The following CFAP221 variants were observed in gnomAD, a reference collection of about 807,000 sequenced individuals.
The protein encoded by CFAP221 is cilia and flagella associated protein 221.
CFAP221 carries 97 observed loss-of-function variants against 113.1 expected under a neutral mutation model. The ratio of observed to expected loss-of-function variants is 0.86; its 90% CI spans 0.73 to 1.02. The LOEUF is 1.02. Ranked by LOEUF, CFAP221 falls within the 50% of genes least tolerant of loss-of-function variation. The pLI is 0.00. For missense variants in CFAP221, 1,025 were observed against 1,013.4 expected (o/e 1.01, Z -0.16); for synonymous variants, 331 against 354.4 (o/e 0.93, Z 0.74).
At chr2:119,619,967 G>A (rs575007432) in intron 14 of CFAP221, among the ~76,000 whole-genome samples, 1 of 152,218 alleles carries the variant, frequency 6.6e-6, no homozygotes, top group Non-Finnish European at 1.5e-5. Flanking sequence ...GAGCCAAATC[G>A]ATCAAGTGGA....
chr2:119,558,542 A>G (rs1680989661), intron 3 of CFAP221, among the ~76,000 whole-genome samples: 1 of 152,178 alleles, frequency 6.6e-6, no homozygotes, highest in Non-Finnish European at 1.5e-5. Flanking sequence ...GCATGACCAG[A>G]CACAGTGGCT....
At chr2:119,559,192 C>G (rs1036654760) in intron 3 of CFAP221, among the ~76,000 whole-genome samples, 3 of 152,246 alleles carry the variant, frequency 2.0e-5, no homozygotes, top group African/African-American at 7.2e-5. Flanking sequence ...CCCTCAACTT[C>G]CTTTTCATCT....
intron 19 of CFAP221, 148 bp downstream of exon 19, chr2:119,631,049 C>T: frequency 7.3e-7 from 1 of 1,369,662 alleles, no homozygotes; most frequent in Non-Finnish European, 9.4e-7. Flanking sequence ...TGTTTGCCAA[C>T]CTTTATTTTT....
rs149036149 is a variant in CFAP221, at chr2:119,631,120, A to G, written c.1974+219A>G. 101 of 1,204,148 alleles carry G rather than the reference A, an allele frequency of 8.4e-5. 1 individual carries two copies. The East Asian group carries it at 1.2e-3, about 14-fold the overall frequency. The allele number at this position is 1,204,148 out of a possible 1,614,324, so 74.6% of individuals were successfully genotyped here. Reference sequence around the variant, plus strand: ...CTGCATTTTTAATGAAAATAATTTTATGATCTTTTCTAAATATCTATAATA... The same window carrying G: ...CTGCATTTTTAATGAAAATAATTTTGTGATCTTTTCTAAATATCTATAATA... On this transcript the variant is annotated intron_variant, in intron 19 of 23. Transcript: ENST00000413369.
chr2:119,605,832 C>CT (rs1224681079), intron 11 of CFAP221, among the ~76,000 whole-genome samples: 2 of 151,824 alleles, frequency 1.3e-5, no homozygotes, highest in South Asian at 2.1e-4. Flanking sequence ...AAAGTAAACT[C>CT]TTTTTTTTGA....
At chr2:119,640,227 G>A (rs1312789834) in intron 21 of CFAP221, among the ~76,000 whole-genome samples, 3 of 130,560 alleles carry the variant, frequency 2.3e-5, no homozygotes, top group Admixed American at 7.7e-5. Context: ...AAAAAAAAAA[G>A]GAAAAAAAAT....
At chr2:119,644,161 A>G (rs1192182619) in intron 21 of CFAP221, among the ~76,000 whole-genome samples, 1 of 152,186 alleles carries the variant, frequency 6.6e-6, no homozygotes, top group African/African-American at 2.4e-5. Flanking sequence ...TCAAAAGAAA[A>G]TAAACAAAAA....
intron 22 of CFAP221, among the ~76,000 whole-genome samples, chr2:119,651,272 C>G (rs1339664045): frequency 6.6e-6 from 1 of 152,102 alleles, no homozygotes; most frequent in Non-Finnish European, 1.5e-5. Context: ...GACTATAGCT[C>G]GGAACCAAAT....
intron 6 of CFAP221, among the ~76,000 whole-genome samples, chr2:119,571,788 A>T (rs1367081151): frequency 1.3e-5 from 2 of 152,248 alleles, no homozygotes; most frequent in African/African-American, 4.8e-5. Flanking sequence ...AAAAAGAAAT[A>T]CTGTACATGA....
intron 19 of CFAP221, among the ~76,000 whole-genome samples, chr2:119,636,494 T>C (rs766018111): frequency 3.9e-5 from 6 of 152,124 alleles, no homozygotes; most frequent in Non-Finnish European, 7.3e-5. Context: ...ATCTTCAAAA[T>C]AGGAAAGAAG....
At chr2:119,620,351 G>A (rs536109281) in intron 14 of CFAP221, among the ~76,000 whole-genome samples, 1 of 152,322 alleles carries the variant, frequency 6.6e-6, no homozygotes, top group South Asian at 2.1e-4. Flanking sequence ...GAAAGGTCAT[G>A]TTACCCACAA....
intron 7 of CFAP221, among the ~76,000 whole-genome samples, chr2:119,595,278 G>A (rs983455733): frequency 6.6e-6 from 1 of 152,176 alleles, no homozygotes; most frequent in Non-Finnish European, 1.5e-5. Context: ...CTTTTCCAGG[G>A]CTGTGACTCT....
intron 16 of CFAP221, among the ~76,000 whole-genome samples, chr2:119,629,323 G>A (rs1254171152): frequency 6.6e-6 from 1 of 152,194 alleles, no homozygotes; most frequent in Non-Finnish European, 1.5e-5. Flanking sequence ...GGCAGATAGA[G>A]GGGACAGGAT....
intron 19 of CFAP221, chr2:119,631,226 A>G: frequency 2.2e-6 from 1 of 452,950 alleles, no homozygotes; most frequent in Non-Finnish European, 3.0e-6. Flanking sequence ...CAAACAAAAA[A>G]TCTGTGGGAA....
intron 2 of CFAP221, 76 bp from the exon 3 acceptor site, chr2:119,549,008 TA>T: frequency 7.3e-6 from 7 of 958,142 alleles, no homozygotes; most frequent in Non-Finnish European, 1.0e-5. Context: ...TAAAGAAAGC[TA>T]TGTTAATAAG....
At position 119,625,600 on chromosome 2, in the gene CFAP221, A is replaced by T; in HGVS notation, c.1428A>T (p.Arg476=). 6.2e-7 allele frequency: 1 copy of T among 1,613,136 alleles called. No individual in the cohort carries two copies. Among genetic ancestry groups the T allele is most frequent in the Non-Finnish European group, 8.5e-7 (1 of 1,179,112 alleles). The change falls in exon 15 of 24, where the codon CGA becomes CGT. Residue 476 remains arginine, a synonymous_variant. Transcript: ENST00000413369. ...AATTTCAGGTCATGATTCAGGGACGATTATTCAATATGCTGAGTGCTGTTC... is the reference window on the plus strand; with the variant it reads ...AATTTCAGGTCATGATTCAGGGACGTTTATTCAATATGCTGAGTGCTGTTC... ...QVARKVMIQG[R]LFNMLSAVRE... is the part of the protein sequence containing the mutation.
At chr2:119,625,538 G>A (rs189726732) in intron 14 of CFAP221, 45 bp from the exon 15 acceptor site, 21 of 1,509,312 alleles carry the variant, frequency 1.4e-5, no homozygotes, top group African/African-American at 8.3e-5. Context: ...CAAAATGAGC[G>A]TGTGTTGATT....
At chr2:119,627,957 G>A (rs1432751348) in intron 16 of CFAP221, among the ~76,000 whole-genome samples, 171 bp downstream of exon 16, 1 of 152,156 alleles carries the variant, frequency 6.6e-6, no homozygotes, top group Admixed American at 6.5e-5. Context: ...CCTGCCATCT[G>A]CCTTGCTCCT....
chr2:119,595,969 A>G (rs376211420), intron 7 of CFAP221, among the ~76,000 whole-genome samples: 1 of 151,936 alleles, frequency 6.6e-6, no homozygotes, highest in African/African-American at 2.4e-5. Context: ...ACGAGAGCCC[A>G]TTGTGGCCAG....
Sources: gnomAD v4.1 joint callset for allele counts (sites outside exome capture counted in the v4.1 genomes callset) on GRCh38, gnomAD v4.1.1 for gene constraint, MANE v1.5 for transcripts, NCBI Gene and HGNC (gene_info 2026-07-23, HGNC 2026-07-21) for gene names.